The following PPIH variants were observed in gnomAD, a reference collection of about 807,000 sequenced individuals.
The protein encoded by PPIH is peptidyl-prolyl cis-trans isomerase H.
PPIH carries 16 observed loss-of-function variants against 27.6 expected under a neutral mutation model. The observed-to-expected ratio is 0.58, with a 90% CI of 0.39 to 0.88. The LOEUF is 0.88. Among genes scored for constraint, PPIH ranks in the 40% least tolerant of loss-of-function variants. The pLI, the probability that PPIH is intolerant of heterozygous loss-of-function variation, is 0.00. For missense variants in PPIH, 155 were observed against 224.1 expected (o/e 0.69, Z 1.97); for synonymous variants, 63 against 76.1 (o/e 0.83, Z 0.90).
intron 5 of PPIH, among the ~76,000 whole-genome samples, chr1:42,662,137 C>T (rs1019693385): frequency 3.9e-5 from 6 of 152,136 alleles, no homozygotes; most frequent in Admixed American, 3.9e-4. Context: ...TTCCCCTAGG[C>T]TTCCCTGTTG....
intron 9 of PPIH, 127 bp from the exon 10 acceptor site, chr1:42,676,457 G>C (rs1332085495): frequency 6.6e-6 from 1 of 151,718 alleles, no homozygotes; most frequent in Non-Finnish European, 1.5e-5. Context: ...AACAGAATGG[G>C]ACTCTGTCTC....
rs1001051756 is a variant in PPIH, at chr1:42,671,078, G to A, written c.*21+3638G>A. Among the ~76,000 whole-genome samples the A allele has an allele frequency of 3.3e-5, 5 of 152,258 alleles. No individual in the cohort carries two copies. In the East Asian group the frequency reaches 7.7e-4, roughly 24 times the overall value. The stretch of plus-strand genomic sequence containing the variant: ...CCCAAAGTGCTGGGATTATAGGCGT[G>A]AGCAAACATTCCCAGCCTATTTTTT... On this transcript the variant is annotated intron_variant, in intron 9 of 9. Transcript: ENST00000304979.
rs1310227776 is a variant in PPIH at position 42,666,056 on chromosome 1, A to AT, written c.414dup (p.Val139CysfsTer17). The AT allele has an allele frequency of 1.9e-6, 3 of 1,613,978 alleles. No individual in the cohort carries two copies. The highest frequency in any genetic ancestry group is 3.3e-5 in the Admixed American group (2 of 60,002). ...AAGTGCGATTGGCTGGATGGGAAGC[A>AT]TGTGGTGTTTGGTAAGTCCTACTCC... On this transcript the variant is annotated frameshift_variant, in exon 7 of 10. Transcript: ENST00000304979. LOFTEE classifies it high-confidence loss of function.
downstream of PPIH, among the ~76,000 whole-genome samples, chr1:42,680,239 A>C (rs943143609): frequency 9.9e-5 from 15 of 152,220 alleles, no homozygotes; most frequent in African/African-American, 3.6e-4. Context: ...TTTCTCTACG[A>C]TGTCCTCTGA....
chr1:42,681,520 G>GT (rs1199037370), downstream of PPIH: 1 of 152,226 alleles, frequency 6.6e-6, no homozygotes, highest in African/African-American at 2.4e-5. Flanking sequence ...GAGGACTTCA[G>GT]TAACATCAGG....
intron 9 of PPIH, among the ~76,000 whole-genome samples, chr1:42,675,856 T>C (rs1037770474): frequency 2.6e-5 from 4 of 152,144 alleles, no homozygotes; most frequent in Non-Finnish European, 5.9e-5. Flanking sequence ...CAGAGAGCCA[T>C]CAGAGTCTGA....
rs542710608 is a variant in PPIH at position 42,659,083 on chromosome 1, G to A, written c.132-145G>A. ...GATTGTTCCCGTGTTAATTTACGTT[G>A]TTAGTCTGTGTGACTGCGTGTCTGG... On this transcript the variant is annotated intron_variant, in intron 2 of 9. Coordinates refer to ENST00000304979, the MANE Select transcript of PPIH (RefSeq NM_006347.4). The A allele has an allele frequency of 6.7e-5, 93 of 1,392,796 alleles. 1 individual carries two copies. The Middle Eastern group carries it at 9.1e-4, about 14-fold the overall frequency. The allele number at this position is 1,392,796 out of a possible 1,614,324, so 86.3% of individuals were successfully genotyped here.
chr1:42,670,413 AATTCTTAAT>A (rs1447955574), intron 9 of PPIH, among the ~76,000 whole-genome samples: 1 of 152,114 alleles, frequency 6.6e-6, no homozygotes, highest in Non-Finnish European at 1.5e-5. Context: ...AAAGTTTAGA[AATTCTTAAT>A]GTTGGGGCCT....
At chr1:42,658,587 A>C in intron 1 of PPIH, 75 bp downstream of exon 1, 1 of 1,497,912 alleles carries the variant, frequency 6.7e-7, no homozygotes, top group Non-Finnish European at 9.2e-7. Context: ...ACTCACCCAG[A>C]GAGAGCGGAC....
intron 9 of PPIH, among the ~76,000 whole-genome samples, chr1:42,670,901 T>C (rs1228405416): frequency 6.6e-6 from 1 of 152,136 alleles, no homozygotes; most frequent in Non-Finnish European, 1.5e-5. Context: ...GTTCAAGCAA[T>C]TCTCCTGCCT....
At chr1:42,666,119 C>A in intron 7 of PPIH, 52 bp downstream of exon 7, 1 of 1,531,744 alleles carries the variant, frequency 6.5e-7, no homozygotes, top group Non-Finnish European at 9.0e-7. Context: ...CTGGATGGAA[C>A]CTCCAGAGGA....
chr1:42,672,179 G>A (rs1020161583), intron 9 of PPIH, among the ~76,000 whole-genome samples: 2 of 152,082 alleles, frequency 1.3e-5, no homozygotes, highest in East Asian at 1.9e-4. Flanking sequence ...CACCATGCCT[G>A]GCCGGGCAGT....
chr1:42,667,926 C>A (rs1231133207), intron 9 of PPIH, among the ~76,000 whole-genome samples: 1 of 152,240 alleles, frequency 6.6e-6, no homozygotes, highest in Non-Finnish European at 1.5e-5. Context: ...AGGTGAATGC[C>A]TTGCATCTTC....
chr1:42,659,009 C>A (rs1343603379), intron 2 of PPIH, 101 bp downstream of exon 2: 3 of 1,382,688 alleles, frequency 2.2e-6, no homozygotes, highest in African/African-American at 1.4e-5. Context: ...CCGCTCACTG[C>A]TCTTGAGACC....
At chr1:42,677,317 T>TAAAAA (rs10631411), downstream of PPIH, among the ~76,000 whole-genome samples, 54,785 of 151,222 alleles carry the variant, frequency 0.36, 10,039 homozygotes, top group African/African-American at 0.41. Flanking sequence ...CTACTAAAAA[T>TAAAAA]AAATTAGCTG....
chr1:42,677,273 A>G (rs1257735614), downstream of PPIH, among the ~76,000 whole-genome samples: 4 of 152,116 alleles, frequency 2.6e-5, no homozygotes, highest in African/African-American at 9.7e-5. Flanking sequence ...CAGGAGTTCA[A>G]GACCAGCCTG....
intron 9 of PPIH, 133 bp downstream of exon 9, chr1:42,667,573 C>T: frequency 1.5e-6 from 1 of 649,484 alleles, no homozygotes; most frequent in Non-Finnish European, 2.7e-6. Context: ...GGAGTAGTCA[C>T]TTTCCTTCTC....
rs1218637691 is a variant in PPIH, at chr1:42,674,341, A to T, written c.*22-2243A>T. ...GCCTATGCAAAGTCACAAAGGCAGG[A>T]AACAGCAGGAAGTGTAGAGGAAGCT... On this transcript the variant is annotated intron_variant, in intron 9 of 9. Transcript: ENST00000304979. Among the ~76,000 whole-genome samples, 4 of 152,262 alleles carry T rather than the reference A, an allele frequency of 2.6e-5. No individual in the cohort carries two copies. In the East Asian group the frequency reaches 7.7e-4, roughly 29 times the overall value.
At chr1:42,658,777 G>A in intron 1 of PPIH, 67 bp from the exon 2 acceptor site, 1 of 1,549,978 alleles carries the variant, frequency 6.5e-7, no homozygotes, top group South Asian at 1.1e-5. Context: ...AGCCCATCAT[G>A]CCCCCTGCTC....
Sources: allele counts gnomAD v4.1 joint callset (sites outside exome capture counted in the v4.1 genomes callset), GRCh38; gene constraint gnomAD v4.1.1; transcripts MANE v1.5; gene names NCBI Gene and HGNC (gene_info 2026-07-23, HGNC 2026-07-21).